FARS2: variants seen among roughly 807,000 people sequenced by gnomAD.
FARS2 encodes the protein phenylalanyl-tRNA synthetase 2, mitochondrial, also known as phenylalanine--tRNA ligase, mitochondrial.
Under a neutral mutation model 46.4 loss-of-function variants are expected in FARS2, and 40 were observed. That is an observed-to-expected ratio of 0.86 (90% CI 0.67 to 1.12). The LOEUF (loss-of-function observed/expected upper bound fraction) is 1.12. FARS2 is among the 50% of genes most tolerant of loss of function. FARS2 has a pLI of 0.00. For missense variants in FARS2, 513 were observed against 567.9 expected, an observed-to-expected ratio of 0.90 and a Z score of 0.98; for synonymous variants, 234 against 214.9, an observed-to-expected ratio of 1.09 and a Z score of -0.78.
intron 4 of FARS2, among the ~76,000 whole-genome samples, chr6:5,526,113 G>T (rs1388790367): frequency 6.6e-6 from 1 of 152,216 alleles, no homozygotes; most frequent in Non-Finnish European, 1.5e-5. Flanking sequence ...CAGAGCCACA[G>T]CTGAAGCACA....
At chr6:5,754,254 C>T (rs1762096594) in intron 6 of FARS2, among the ~76,000 whole-genome samples, 2 of 152,216 alleles carry the variant, frequency 1.3e-5, no homozygotes, top group Non-Finnish European at 2.9e-5. Context: ...CGTGTGCCTT[C>T]AGAGCCAGCG....
chr6:5,582,206 T>A (rs1342471003), intron 5 of FARS2, among the ~76,000 whole-genome samples: 4 of 87,344 alleles, frequency 4.6e-5, no homozygotes, highest in African/African-American at 1.7e-4. Context: ...TGCGCTTTTC[T>A]AAGTGGTCAC....
Position 5,630,077 on chromosome 6 carries a change from G to A in FARS2, c.1217+16757G>A, listed in dbSNP as rs1379650695. On this transcript the variant is annotated intron_variant, in intron 6 of 6. Transcript: ENST00000274680. The surrounding 1 kb of genome is among the most constrained non-coding windows in gnomAD (Gnocchi z 4.2). ...CAGAGAGAGGCCAGGATTGGAACGT[G>A]TACTACTCTTGACCACTGGAGCTCC... 6.6e-6 allele frequency among the ~76,000 whole-genome samples: 1 copy of A among 152,188 alleles called. No homozygotes were observed. The highest frequency in any genetic ancestry group is 1.9e-4 in the East Asian group (1 of 5,196).
intron 6 of FARS2, among the ~76,000 whole-genome samples, chr6:5,651,158 G>T (rs531490820): frequency 6.6e-6 from 1 of 152,176 alleles, no homozygotes; most frequent in South Asian, 2.1e-4. Context: ...AAGCTGAAAA[G>T]CAGATGGAGA....
chr6:5,749,137 T>C (rs1206066850), intron 6 of FARS2, among the ~76,000 whole-genome samples: 1 of 152,130 alleles, frequency 6.6e-6, no homozygotes, highest in African/African-American at 2.4e-5. Flanking sequence ...AGTCCTCTCC[T>C]CCCGTCCCCT....
At chr6:5,273,214 T>G (rs1766084614) in intron 1 of FARS2, among the ~76,000 whole-genome samples, 1 of 152,240 alleles carries the variant, frequency 6.6e-6, no homozygotes, top group South Asian at 2.1e-4. Flanking sequence ...CATATGGTAG[T>G]TCTATTTTTA....
chr6:5,579,581 A>G (rs1773207465), intron 5 of FARS2, among the ~76,000 whole-genome samples: 1 of 152,148 alleles, frequency 6.6e-6, no homozygotes, highest in Non-Finnish European at 1.5e-5. Flanking sequence ...GACTATTATG[A>G]GGTTTTAATG....
At chr6:5,296,551 A>G (rs1299291646) in intron 1 of FARS2, among the ~76,000 whole-genome samples, 4 of 152,078 alleles carry the variant, frequency 2.6e-5, no homozygotes, top group African/African-American at 9.7e-5. Context: ...CCAGATTGAA[A>G]CTTCGTACCC....
At chr6:5,482,259 T>A (rs1382646635) in intron 4 of FARS2, among the ~76,000 whole-genome samples, 1 of 152,218 alleles carries the variant, frequency 6.6e-6, no homozygotes, top group Non-Finnish European at 1.5e-5. Context: ...CAATCCATAT[T>A]ATCTTTCAAT....
chr6:5,513,022 C>T (rs1043716670), intron 4 of FARS2, among the ~76,000 whole-genome samples: 6 of 151,984 alleles, frequency 3.9e-5, no homozygotes, highest in African/African-American at 7.2e-5. Flanking sequence ...ATTGCAGATG[C>T]GTGGGTTGGG....
intron 6 of FARS2, among the ~76,000 whole-genome samples, chr6:5,643,663 G>A (rs534075598): frequency 1.7e-4 from 26 of 152,238 alleles, no homozygotes; most frequent in Admixed American, 1.1e-3. Context: ...GTACTGGAGG[G>A]GGGTTTGGGT....
At chr6:5,512,618 C>G (rs1274575793) in intron 4 of FARS2, among the ~76,000 whole-genome samples, 1 of 151,750 alleles carries the variant, frequency 6.6e-6, no homozygotes, top group Non-Finnish European at 1.5e-5. Flanking sequence ...TCAGCATTTC[C>G]TAGGTTACAG....
At chr6:5,528,920 T>A (rs534680051) in intron 4 of FARS2, among the ~76,000 whole-genome samples, 3 of 152,302 alleles carry the variant, frequency 2.0e-5, no homozygotes, top group Non-Finnish European at 4.4e-5. Flanking sequence ...GCTAAGGATG[T>A]TGGAGCAGAA....
chr6:5,619,531 A>AC (rs957713886), intron 6 of FARS2, among the ~76,000 whole-genome samples: 11 of 152,288 alleles, frequency 7.2e-5, no homozygotes, highest in Admixed American at 7.2e-4. Context: ...ACCCCAGGTC[A>AC]CTAAAGGGGC....
rs1758825618 is a variant in FARS2, at chr6:5,368,575, T to G, written c.5T>G (p.Val2Gly). M[V>G]GSALRRGAHA... ...AACCTGTGAGAAGTTTCTACAATGG[T>G]GGGCTCAGCTCTCAGGAGAGGTGCC... Residue 2 changes from valine to glycine, a missense_variant, in exon 2 of 7, where the codon GTG (valine) becomes GGG (glycine). Coordinates refer to ENST00000274680, the MANE Select transcript of FARS2 (RefSeq NM_006567.5). 1 of 1,605,694 alleles carries G rather than the reference T, an allele frequency of 6.2e-7. No homozygotes were observed. The highest frequency in any genetic ancestry group is 1.3e-5 in the African/African-American group (1 of 74,774).
chr6:5,502,168 G>A (rs186409170), intron 4 of FARS2, among the ~76,000 whole-genome samples: 13 of 152,304 alleles, frequency 8.5e-5, no homozygotes, highest in Admixed American at 5.2e-4. Context: ...CAGCTGTGCC[G>A]TGGATCACTC....
At chr6:5,272,995 T>C (rs1766071731) in intron 1 of FARS2, among the ~76,000 whole-genome samples, 1 of 152,260 alleles carries the variant, frequency 6.6e-6, no homozygotes, top group African/African-American at 2.4e-5. Context: ...TTCATTCTTT[T>C]CTATAGCTGA....
chr6:5,499,182 T>C (rs964895203), intron 4 of FARS2, among the ~76,000 whole-genome samples: 1 of 152,238 alleles, frequency 6.6e-6, no homozygotes, highest in African/African-American at 2.4e-5. Flanking sequence ...AGGCTGCATC[T>C]GACCTTTCAC....
At chr6:5,588,517 T>G (rs554885600) in intron 5 of FARS2, among the ~76,000 whole-genome samples, 2 of 152,336 alleles carry the variant, frequency 1.3e-5, no homozygotes, top group Admixed American at 1.3e-4. Context: ...CCTCTGCTAA[T>G]GGGCTTCTGG....
Sources: gnomAD v4.1 joint callset for allele counts (sites outside exome capture counted in the v4.1 genomes callset) on GRCh38, gnomAD v4.1.1 for gene constraint, Gnocchi (gnomAD v3.1) non-coding constraint, MANE v1.5 for transcripts, NCBI Gene and HGNC (gene_info 2026-07-23, HGNC 2026-07-21) for gene names.